PPM1L: variants seen among roughly 807,000 people sequenced by gnomAD.
PPM1L encodes protein phosphatase 1L.
A neutral mutation model predicts 31.4 loss-of-function variants in PPM1L; 13 were observed. The observed-to-expected ratio is 0.41, with a 90% CI of 0.27 to 0.66. The LOEUF (loss-of-function observed/expected upper bound fraction) is 0.66, where lower values mean the gene tolerates loss of function less well. PPM1L is among the 30% of genes least tolerant of loss of function. The probability of loss-of-function intolerance (pLI) is 0.29; values close to 1 mark genes in which losing one functional copy is unlikely to be tolerated. For synonymous variants in PPM1L, 184 were observed against 175.4 expected, an observed-to-expected ratio of 1.05 and a Z score of -0.39; for missense variants, 326 against 453.7, an observed-to-expected ratio of 0.72 and a Z score of 2.56.
intron 2 of PPM1L, among the ~76,000 whole-genome samples, chr3:160,992,484 A>C (rs554068140): frequency 6.6e-6 from 1 of 152,354 alleles, no homozygotes; most frequent in South Asian, 2.1e-4. Context: ...AATGAAAACA[A>C]CAACAGCAAA....
intron 2 of PPM1L, among the ~76,000 whole-genome samples, chr3:161,038,338 G>T (rs1202128180): frequency 6.6e-6 from 1 of 151,510 alleles, no homozygotes; most frequent in Non-Finnish European, 1.5e-5. Context: ...TAGAGACAGG[G>T]TCTCTCTCTG....
chr3:160,886,313 G>A (rs1304264870), intron 1 of PPM1L, among the ~76,000 whole-genome samples: 1 of 152,160 alleles, frequency 6.6e-6, no homozygotes, highest in Non-Finnish European at 1.5e-5. Context: ...CCAGATGAGT[G>A]GGTTTCCCCC....
chr3:160,803,680 T>C (rs1358485917), intron 1 of PPM1L, among the ~76,000 whole-genome samples: 1 of 152,270 alleles, frequency 6.6e-6, no homozygotes, highest in Non-Finnish European at 1.5e-5. Context: ...TATTTTTTGC[T>C]AATAAACAAT....
At chr3:160,879,478 A>C (rs746976580) in intron 1 of PPM1L, among the ~76,000 whole-genome samples, 10 of 152,154 alleles carry the variant, frequency 6.6e-5, no homozygotes, top group Non-Finnish European at 1.3e-4. Context: ...ATAAATGCTC[A>C]TTATGTTTTC....
At chr3:161,035,159 T>C (rs528018444) in intron 2 of PPM1L, among the ~76,000 whole-genome samples, 2 of 151,302 alleles carry the variant, frequency 1.3e-5, no homozygotes, top group East Asian at 3.9e-4. Flanking sequence ...TGTATACTTG[T>C]GTAACAAACC....
At chr3:160,979,389 G>A (rs1007208118) in intron 2 of PPM1L, among the ~76,000 whole-genome samples, 1 of 152,018 alleles carries the variant, frequency 6.6e-6, no homozygotes, top group Admixed American at 6.6e-5. Flanking sequence ...CTGGAACCAT[G>A]TAGACATGCC....
intron 2 of PPM1L, among the ~76,000 whole-genome samples, chr3:161,061,841 A>G (rs994075282): frequency 3.3e-5 from 5 of 152,300 alleles, no homozygotes; most frequent in Admixed American, 2.0e-4. Context: ...TCAAATTCAG[A>G]TATTACAGGG....
chr3:161,056,878 A>G (rs528822756), intron 2 of PPM1L, among the ~76,000 whole-genome samples: 2 of 152,068 alleles, frequency 1.3e-5, no homozygotes, highest in Non-Finnish European at 2.9e-5. Flanking sequence ...CCTGGACAAT[A>G]TGGTGAAACC....
chr3:161,061,420 C>A (rs1244500903), intron 2 of PPM1L, among the ~76,000 whole-genome samples: 1 of 152,124 alleles, frequency 6.6e-6, no homozygotes, highest in African/African-American at 2.4e-5. Context: ...TTAATTTACC[C>A]ATAGAAACAG....
intron 1 of PPM1L, among the ~76,000 whole-genome samples, chr3:160,926,103 A>G (rs1714577972): frequency 6.6e-6 from 1 of 152,198 alleles, no homozygotes; most frequent in African/African-American, 2.4e-5. Flanking sequence ...GGTCTCCTTC[A>G]GGAACCTATG....
chr3:160,941,359 A>G (rs1183897424), intron 1 of PPM1L, among the ~76,000 whole-genome samples: 1 of 152,122 alleles, frequency 6.6e-6, no homozygotes, highest in Admixed American at 6.5e-5. Context: ...TAGAGGGGAC[A>G]GGGGCAGAAT....
intron 1 of PPM1L, among the ~76,000 whole-genome samples, chr3:160,818,981 A>G (rs1015372951): frequency 2.6e-5 from 4 of 151,828 alleles, no homozygotes; most frequent in Non-Finnish European, 5.9e-5. Context: ...TCTTGCCTTG[A>G]TATTTACTAT....
intron 1 of PPM1L, among the ~76,000 whole-genome samples, chr3:160,867,907 C>T (rs568689523): frequency 6.6e-6 from 1 of 152,202 alleles, no homozygotes; most frequent in South Asian, 2.1e-4. Flanking sequence ...CAAAAACTAT[C>T]AGAACTCAGG....
intron 1 of PPM1L, among the ~76,000 whole-genome samples, chr3:160,910,891 T>C (rs150906732): frequency 6.6e-6 from 1 of 152,338 alleles, no homozygotes; most frequent in African/African-American, 2.4e-5. Flanking sequence ...ACAATTTCTT[T>C]GGAAATCCAA....
intron 2 of PPM1L, among the ~76,000 whole-genome samples, chr3:160,972,293 C>G (rs946015937): frequency 9.9e-5 from 15 of 151,914 alleles, no homozygotes; most frequent in Non-Finnish European, 2.9e-5. Flanking sequence ...TGGTGTGCTG[C>G]ACCCATTAGC....
At chr3:160,805,149 C>T (rs1712558670) in intron 1 of PPM1L, among the ~76,000 whole-genome samples, 1 of 152,176 alleles carries the variant, frequency 6.6e-6, no homozygotes, top group Non-Finnish European at 1.5e-5. Context: ...TTTATTACTA[C>T]CTCTGTATTC....
In PPM1L at chr3:160,756,752, CGTGTGTGTGTGTGTGTGTGTGTGTGT is replaced by C; in HGVS notation, c.399+58_399+83del. ...TTTGTATTTGTGTCCGTGTATGTCTCGTGTGTGTGTGTGTGTGTGTGTGTGTGTGTGTGTGTGTATAAACAACAGGA... is the reference window on the plus strand; with the variant it reads ...TTTGTATTTGTGTCCGTGTATGTCTCGTGTGTGTGTGTATAAACAACAGGA... On this transcript the variant is annotated intron_variant, in intron 1 of 3. Coordinates refer to ENST00000498165, the MANE Select transcript of PPM1L (RefSeq NM_139245.4). The surrounding 1 kb of genome is among the most constrained non-coding windows in gnomAD (Gnocchi z 6.2). 2.0e-6 allele frequency: 2 copies of C among 1,015,434 alleles called. No individual in the cohort carries two copies. The highest frequency in any genetic ancestry group is 2.9e-6 in the Non-Finnish European group (2 of 700,084). 62.9% of individuals were successfully genotyped at this position (1,015,434 alleles called of 1,614,324 possible).
intron 2 of PPM1L, among the ~76,000 whole-genome samples, chr3:161,056,146 G>T (rs560502554): frequency 3.2e-4 from 48 of 152,262 alleles, no homozygotes; most frequent in Middle Eastern, 6.8e-3. Context: ...ACCCAAGGCA[G>T]AATGTTTGCT....
At chr3:160,915,672 A>G (rs1436002995) in intron 1 of PPM1L, among the ~76,000 whole-genome samples, 2 of 152,230 alleles carry the variant, frequency 1.3e-5, no homozygotes, top group Non-Finnish European at 1.5e-5. Context: ...CTACAAGGCT[A>G]CAGTAACCAA....
Sources: gnomAD v4.1 joint callset for allele counts (sites outside exome capture counted in the v4.1 genomes callset) on GRCh38, gnomAD v4.1.1 for gene constraint, Gnocchi (gnomAD v3.1) non-coding constraint, MANE v1.5 for transcripts, NCBI Gene and HGNC (gene_info 2026-07-23, HGNC 2026-07-21) for gene names.